SLC15A4: variants seen among roughly 807,000 people sequenced by gnomAD.
The protein encoded by SLC15A4 is hPHT1.
SLC15A4 carries 26 observed loss-of-function variants against 46.1 expected under a neutral mutation model. The observed-to-expected ratio is 0.56, with a 90% CI of 0.41 to 0.78. SLC15A4 has a LOEUF of 0.78. Ranked by LOEUF, SLC15A4 falls within the 30% of genes least tolerant of loss-of-function variation. SLC15A4 has a pLI of 0.00. For synonymous variants in SLC15A4, 370 were observed against 333.4 expected (o/e 1.11, Z -1.20); for missense variants, 751 against 755.7 (o/e 0.99, Z 0.07).
chr12:128,809,050 A>C (rs540235396), intron 4 of SLC15A4, 94 bp from the exon 5 acceptor site: 319 of 1,186,838 alleles, frequency 2.7e-4, no homozygotes, highest in Non-Finnish European at 3.6e-4. Flanking sequence ...AATGCACGTA[A>C]AGAACAGTTC....
intron 3 of SLC15A4, 24 bp downstream of exon 3, chr12:128,809,915 GAAAT>G (rs1566052108): frequency 6.2e-7 from 1 of 1,601,488 alleles, no homozygotes. Flanking sequence ...GAAGATAAAG[GAAAT>G]TAAACCTGTT....
rs201921716 is a variant in SLC15A4 at position 128,814,921 on chromosome 12, G to A, written c.696C>T (p.Cys232=). 3.0e-4 allele frequency: 484 copies of A among 1,614,060 alleles called. 2 individuals carry two copies. The highest frequency in any genetic ancestry group is 8.9e-5 in the East Asian group (4 of 44,886). ...FVTGYAIPTV[C]VGLAFVVFLC... ...GGAAGACCACAAAAGCAAGGCCGAC[G>A]CAGACAGTGGGGATCGCATAACCAG... The change falls in exon 2 of 8, where the codon TGC becomes TGT. Residue 232 remains cysteine, a synonymous_variant. Transcript: ENST00000266771.
In SLC15A4 at chr12:128,822,342, C is replaced by T. The variant is rs117405541; in HGVS notation, c.546+1056G>A. On this transcript the variant is annotated intron_variant, in intron 1 of 7. Coordinates refer to ENST00000266771, the MANE Select transcript of SLC15A4 (RefSeq NM_145648.4). ...CGTAACTCCTTTAAAGCCACGAAGA[C>T]GCAATATGAGTGTTTTCCCACTTCT... 3.8e-3 allele frequency among the ~76,000 whole-genome samples: 577 copies of T among 152,280 alleles called. 7 individuals are homozygous for T. Among genetic ancestry groups the T allele is most frequent in the Admixed American group, 0.029 (437 of 15,290 alleles).
intron 1 of SLC15A4, 126 bp downstream of exon 1, chr12:128,823,272 A>T: frequency 2.1e-6 from 2 of 935,396 alleles, no homozygotes; most frequent in Non-Finnish European, 2.9e-6. Context: ...CCTCGGCACT[A>T]GACAGAAGCC....
chr12:128,816,600 G>A (rs992840484), intron 1 of SLC15A4, among the ~76,000 whole-genome samples: 3 of 152,204 alleles, frequency 2.0e-5, no homozygotes, highest in African/African-American at 7.2e-5. Context: ...GGAAGCCAGG[G>A]CAGGCAGACC....
In SLC15A4 at chr12:128,809,392, T is replaced by C. The variant is rs555166496; in HGVS notation, c.1089+4A>G. 1.3e-6 allele frequency: 2 copies of C among 1,575,062 alleles called. No homozygotes were observed. The highest frequency in any genetic ancestry group is 2.3e-5 in the South Asian group (2 of 88,866). On this transcript the variant is annotated splice_donor_region_variant and intron_variant, in intron 4 of 7. Transcript: ENST00000266771. ...AATGTTCAGATCATTACAATTGTTC[T>C]TACCGTGTGAGGAGTGGTTGTAATA...
At position 128,814,776 on chromosome 12, in the gene SLC15A4, C is replaced by A; in HGVS notation, c.841G>T (p.Gly281Cys). 1 of 1,613,284 alleles carries A rather than the reference C, an allele frequency of 6.2e-7. No homozygotes were observed. Among genetic ancestry groups the A allele is most frequent in the South Asian group, 1.1e-5 (1 of 91,056 alleles). ...CCAAGATGAGAACTAAGTGCTTACC[C>A]ATTACTCTGGCGCTCTCCACTTCGC... is the stretch of plus-strand genomic sequence containing the variant. ...QKRSGERQSN[G>C]EGIGVFQQSS... Residue 281 changes from glycine to cysteine, a missense_variant and splice_region_variant, in exon 2 of 8, where the codon GGT (glycine) becomes TGT (cysteine). By Grantham distance (159) the Gly-to-Cys change is radical. Transcript: ENST00000266771.
In SLC15A4 at chr12:128,823,827, G is replaced by T. The variant is rs774761737; in HGVS notation, c.117C>A (p.Ala39=). The T allele has an allele frequency of 5.2e-5, 71 of 1,376,858 alleles. No individual in the cohort carries two copies. The highest frequency in any genetic ancestry group is 6.0e-5 in the Non-Finnish European group (63 of 1,054,936). 85.3% of individuals were successfully genotyped at this position (1,376,858 alleles called of 1,614,324 possible). ...GCTCCAGCAGCTCCGTCAGCAGCAC[G>T]GCCCCGCACGCCGCGCGCCGGCCCG... ...AFAGRRAACG[A]VLLTELLERA... Residue 39 remains alanine, a synonymous_variant, in exon 1 of 8, where the codon GCC becomes GCA. Coordinates refer to ENST00000266771, the MANE Select transcript of SLC15A4 (RefSeq NM_145648.4).
intron 1 of SLC15A4, among the ~76,000 whole-genome samples, chr12:128,818,281 G>A (rs779703416): frequency 6.6e-6 from 1 of 152,144 alleles, no homozygotes; most frequent in Non-Finnish European, 1.5e-5. Flanking sequence ...TCTTTCAGAA[G>A]CCAACTAGGC....
chr12:128,804,199 C>T (rs554277888), intron 5 of SLC15A4, among the ~76,000 whole-genome samples: 1 of 152,322 alleles, frequency 6.6e-6, no homozygotes, highest in South Asian at 2.1e-4. Context: ...CCTGACTCAA[C>T]AAAATTTGCC....
rs771689830 is a variant in SLC15A4 at position 128,799,329 on chromosome 12, G to A, written c.1503C>T (p.Phe501=). ...LFFFFSGVGS[F]VGSGLLALVS... ...CCAGTGCCAGCAGTCCAGAACCCAC[G>A]AACGACCCGACGCCAGAGAAGAAAA... The change falls in exon 7 of 8, where the codon TTC becomes TTT. Residue 501 remains phenylalanine, a synonymous_variant. Transcript: ENST00000266771. 3.1e-5 allele frequency: 50 copies of A among 1,614,024 alleles called. No individual in the cohort carries two copies. In the South Asian group the frequency reaches 3.8e-4, roughly 12 times the overall value.
intron 1 of SLC15A4, among the ~76,000 whole-genome samples, chr12:128,820,849 T>C (rs1434794512): frequency 6.6e-6 from 1 of 152,242 alleles, no homozygotes; most frequent in East Asian, 1.9e-4. Flanking sequence ...TCACATGCCA[T>C]GGTTTCCATA....
At position 128,807,329 on chromosome 12, in the gene SLC15A4, C is replaced by T. The variant is rs756751255; in HGVS notation, c.1258+1459G>A. Among the ~76,000 whole-genome samples, 5 of 152,312 alleles carry T rather than the reference C, an allele frequency of 3.3e-5. No individual in the cohort carries two copies. In the East Asian group the frequency reaches 9.7e-4, roughly 29 times the overall value. On this transcript the variant is annotated intron_variant, in intron 5 of 7. Coordinates refer to ENST00000266771, the MANE Select transcript of SLC15A4 (RefSeq NM_145648.4). ...AGAATGGACTGCATGGCTCTCAAGG[C>T]AGCCCACAGAAGTGATTCAGCCATT...
chr12:128,818,804 T>C (rs1166061235), intron 1 of SLC15A4, among the ~76,000 whole-genome samples: 1 of 152,194 alleles, frequency 6.6e-6, no homozygotes, highest in African/African-American at 2.4e-5. Flanking sequence ...ACCCTTAATC[T>C]ACTTCCAGTC....
At chr12:128,804,545 T>C (rs565021949) in intron 5 of SLC15A4, among the ~76,000 whole-genome samples, 17 of 152,198 alleles carry the variant, frequency 1.1e-4, no homozygotes, top group South Asian at 6.2e-4. Context: ...ACTTGGCCAA[T>C]ATGGTGAAAC....
Position 128,808,859 on chromosome 12 carries a change from C to T in SLC15A4, c.1187G>A (p.Gly396Asp). 6.2e-7 allele frequency: 1 copy of T among 1,614,150 alleles called. No homozygotes were observed. Among genetic ancestry groups the T allele is most frequent in the African/African-American group, 1.3e-5 (1 of 75,042 alleles). Residue 396 changes from glycine to aspartate, a missense_variant, in exon 5 of 8, where the codon GGC becomes GAC. Coordinates refer to ENST00000266771, the MANE Select transcript of SLC15A4 (RefSeq NM_145648.4). ...KLVDPILRRH[G>D]LLPSSLKRIA... The stretch of plus-strand genomic sequence containing the variant: ...CCTCTTCAGGGAGGATGGGAGCAGG[C>T]CATGTCTTCTCAAAATGGGATCGAC...
chr12:128,812,233 T>G (rs770759723), intron 2 of SLC15A4, among the ~76,000 whole-genome samples: 1 of 152,228 alleles, frequency 6.6e-6, no homozygotes, highest in Non-Finnish European at 1.5e-5. Context: ...AAACTGAGAT[T>G]GGGCCAGATG....
rs943049629 is a variant in SLC15A4, at chr12:128,805,682, C to T, written c.1258+3106G>A. Among the ~76,000 whole-genome samples the T allele has an allele frequency of 3.3e-5, 5 of 152,222 alleles. No homozygotes were observed. In the East Asian group the frequency reaches 9.7e-4, roughly 30 times the overall value. ...GAGTAGCTGGGATTAAAGGCATGCG[C>T]CACCACGCATGGCTAATTTTAGTAT... On this transcript the variant is annotated intron_variant, in intron 5 of 7. Coordinates refer to ENST00000266771, the MANE Select transcript of SLC15A4 (RefSeq NM_145648.4).
At chr12:128,801,772 A>G (rs1482217107) in intron 5 of SLC15A4, 2 of 152,266 alleles carry the variant, frequency 1.3e-5, no homozygotes, top group African/African-American at 4.8e-5. Flanking sequence ...TATTTTATAA[A>G]GAATTCTTAT....
Sources: allele counts gnomAD v4.1 joint callset (sites outside exome capture counted in the v4.1 genomes callset), GRCh38; gene constraint gnomAD v4.1.1; transcripts MANE v1.5; gene names NCBI Gene and HGNC (gene_info 2026-07-23, HGNC 2026-07-21).